TIMM10B: variants seen among roughly 807,000 people sequenced by gnomAD.
TIMM10B encodes the protein mitochondrial import inner membrane translocase subunit Tim10 B.
A neutral mutation model predicts 12.6 loss-of-function variants in TIMM10B; 17 were observed. The observed-to-expected ratio is 1.35, with a 90% CI of 0.92 to 2.03. The LOEUF is 2.03. Among genes scored for constraint, TIMM10B ranks in the 30% most tolerant of loss-of-function variants. The pLI, the probability that TIMM10B is intolerant of heterozygous loss-of-function variation, is 0.00. For synonymous variants in TIMM10B, 63 were observed against 51.3 expected (o/e 1.23, Z -0.97); for missense variants, 165 against 133.3 (o/e 1.24, Z -1.17).
rs1215024853 is a variant in TIMM10B at position 6,482,168 on chromosome 11, G to C, written c.259G>C (p.Ala87Pro). The C allele has an allele frequency of 6.2e-7, 1 of 1,611,268 alleles. No homozygotes were observed. Among genetic ancestry groups the C allele is most frequent in the South Asian group, 1.1e-5 (1 of 91,080 alleles). Residue 87 changes from alanine (A) to proline (P), a missense_variant, in exon 3 of 3, where the codon GCT becomes CCT. Coordinates refer to ENST00000254616, the MANE Select transcript of TIMM10B (RefSeq NM_012192.4). The part of the protein sequence containing the change: ...RRIADYEAAS[A>P]VPGVAAEQPG... Reference sequence around the variant, plus strand: ...CATCGCAGACTACGAGGCTGCCTCGGCTGTGCCAGGCGTTGCTGCTGAACA... The same window carrying C: ...CATCGCAGACTACGAGGCTGCCTCGCCTGTGCCAGGCGTTGCTGCTGAACA...
chr11:6,481,904 T>G (rs1460861763), intron 2 of TIMM10B, 52 bp downstream of exon 2: 3 of 1,608,122 alleles, frequency 1.9e-6, no homozygotes, highest in Non-Finnish European at 2.5e-6. Context: ...AGCGGTAGAC[T>G]GCTTCCCTCC....
At position 6,481,544 on chromosome 11, in the gene TIMM10B, C is replaced by A. The variant is rs1392141559; in HGVS notation, c.28C>A (p.Gln10Lys). The A allele has an allele frequency of 6.2e-7, 1 of 1,610,948 alleles. No homozygotes were observed. Among genetic ancestry groups the A allele is most frequent in the African/African-American group, 1.3e-5 (1 of 74,894 alleles). Residue 10 changes from glutamine to lysine, a missense_variant, in exon 1 of 3, where the codon CAA becomes AAA. Physicochemically the swap from Gln to Lys is moderately conservative, Grantham distance 53. Transcript: ENST00000254616. ...GGAGCGGCAGCAGCAGCAGCAACAGCAACTGCGAAACGTAAGTGAGAACTA... is the reference window on the plus strand; with the variant it reads ...GGAGCGGCAGCAGCAGCAGCAACAGAAACTGCGAAACGTAAGTGAGAACTA... Reference protein sequence around the residue: MERQQQQQQQLRNLRDFLLV... With the variant: MERQQQQQQKLRNLRDFLLV...
Position 6,482,161 on chromosome 11 carries a change from T to G in TIMM10B, c.252T>G (p.Ala84=), listed in dbSNP as rs1851818945. The G allele has an allele frequency of 1.2e-6, 2 of 1,611,812 alleles. No homozygotes were observed. The highest frequency in any genetic ancestry group is 1.7e-6 in the Non-Finnish European group (2 of 1,179,982). ...AGCGCCGCATCGCAGACTACGAGGC[T>G]GCCTCGGCTGTGCCAGGCGTTGCTG... ...LVQRRIADYE[A]ASAVPGVAAE... is the part of the protein sequence containing the mutation. The change falls in exon 3 of 3, where the codon GCT becomes GCG. Residue 84 remains alanine, a synonymous_variant. Coordinates refer to ENST00000254616, the MANE Select transcript of TIMM10B (RefSeq NM_012192.4).
chr11:6,482,124 C>G lies in TIMM10B; in HGVS notation c.215C>G (p.Pro72Arg). The change falls in exon 3 of 3, where the codon CCT becomes CGT. Residue 72 changes from proline (P) to arginine (R), a missense_variant. Transcript: ENST00000254616. ...ATGGCCGCTTACGTGCAGCTCATGC[C>G]TGCCCTGGTACAGCGCCGCATCGCA... ...RLMAAYVQLMPALVQRRIADY... is the reference protein window; with the variant it reads ...RLMAAYVQLMRALVQRRIADY... The G allele has an allele frequency of 7.4e-6, 12 of 1,613,700 alleles. No individual in the cohort carries two copies. Among genetic ancestry groups the G allele is most frequent in the Non-Finnish European group, 9.3e-6 (11 of 1,180,048 alleles).
intron 2 of TIMM10B, 51 bp downstream of exon 2, chr11:6,481,903 C>T (rs1851799120): frequency 6.2e-6 from 10 of 1,608,102 alleles, no homozygotes; most frequent in Non-Finnish European, 7.6e-6. Context: ...TAGCGGTAGA[C>T]TGCTTCCCTC....
Position 6,482,277 on chromosome 11 carries a change from G to GGT in TIMM10B, c.*58_*59dup. ...GATGGACCCTCAGATTGAAGGACCC[G>GGT]GTGGACCTTGGGGTTGGTGAATCCT... On this transcript the variant is annotated 3_prime_UTR_variant, in exon 3 of 3. Coordinates refer to ENST00000254616, the MANE Select transcript of TIMM10B (RefSeq NM_012192.4). 6.7e-7 allele frequency: 1 copy of GGT among 1,498,744 alleles called. No homozygotes were observed. Among genetic ancestry groups the GGT allele is most frequent in the Non-Finnish European group, 9.0e-7 (1 of 1,105,014 alleles). 92.8% of individuals were successfully genotyped at this position (1,498,744 alleles called of 1,614,324 possible).
chr11:6,481,545 A>G lies in TIMM10B; in HGVS notation c.29A>G (p.Gln10Arg), dbSNP rs760941149. 3 of 1,610,568 alleles carry G rather than the reference A, an allele frequency of 1.9e-6. No homozygotes were observed. ...GAGCGGCAGCAGCAGCAGCAACAGC[A>G]ACTGCGAAACGTAAGTGAGAACTAA... MERQQQQQQQLRNLRDFLLV... is the reference protein window; with the variant it reads MERQQQQQQRLRNLRDFLLV... The change falls in exon 1 of 3, where the codon CAA (glutamine) becomes CGA (arginine). Residue 10 changes from glutamine (Q) to arginine (R), a missense_variant. Transcript: ENST00000254616.
In TIMM10B at chr11:6,481,530, A is replaced by T. The variant is rs755909375; in HGVS notation, c.14A>T (p.Gln5Leu). ...GCCGGTGGCGTGATGGAGCGGCAGC[A>T]GCAGCAGCAACAGCAACTGCGAAAC... MERQ[Q>L]QQQQQLRNLR... The change falls in exon 1 of 3, where the codon CAG becomes CTG. Residue 5 changes from glutamine (Q) to leucine (L), a missense_variant. Coordinates refer to ENST00000254616, the MANE Select transcript of TIMM10B (RefSeq NM_012192.4). 1.9e-6 allele frequency: 3 copies of T among 1,612,020 alleles called. No homozygotes were observed. In the African/African-American group the frequency reaches 4.0e-5, roughly 22 times the overall value.
chr11:6,481,717 G>C, intron 1 of TIMM10B, 40 bp from the exon 2 acceptor site: 1 of 1,613,584 alleles, frequency 6.2e-7, no homozygotes, highest in Non-Finnish European at 8.5e-7. Flanking sequence ...AGAAGTGTGG[G>C]GCCCTTATCG....
In TIMM10B at chr11:6,482,448, G is replaced by A. The variant is rs73400857; in HGVS notation, c.*227G>A. 7.2e-3 allele frequency: 3,833 copies of A among 533,112 alleles called. 82 individuals are homozygous for A. Among genetic ancestry groups the A allele is most frequent in the African/African-American group, 0.055 (2,943 of 53,202 alleles). The allele number at this position is 533,112 out of a possible 1,614,324, so 33.0% of individuals were successfully genotyped here. ...TATTGGCACAATCCGTTGTTCTGTC[G>A]TTTAGTGCATATCTGCTGGCTTCAG... On this transcript the variant is annotated 3_prime_UTR_variant, in exon 3 of 3. Transcript: ENST00000254616.
chr11:6,481,775 G>T lies in TIMM10B; in HGVS notation c.58G>T (p.Val20Phe). The T allele has an allele frequency of 6.2e-7, 1 of 1,614,114 alleles. No homozygotes were observed. Among genetic ancestry groups the T allele is most frequent in the Non-Finnish European group, 8.5e-7 (1 of 1,180,032 alleles). ...CTCTCAGCTGCGTGACTTCCTGTTG[G>T]TCTACAATCGGATGACAGAACTCTG... ...QLRNLRDFLLVYNRMTELCFQ... is the reference protein window; with the variant it reads ...QLRNLRDFLLFYNRMTELCFQ... Residue 20 changes from valine to phenylalanine, a missense_variant, in exon 2 of 3, where the codon GTC becomes TTC. By Grantham distance (50) the Val-to-Phe change is conservative (BLOSUM62 -1). Coordinates refer to ENST00000254616, the MANE Select transcript of TIMM10B (RefSeq NM_012192.4).
Position 6,482,324 on chromosome 11 carries a change from G to T in TIMM10B, c.*103G>T. 1 of 1,163,170 alleles carries T rather than the reference G, an allele frequency of 8.6e-7. No individual in the cohort carries two copies. The highest frequency in any genetic ancestry group is 1.2e-6 in the Non-Finnish European group (1 of 844,646). 72.1% of individuals were successfully genotyped at this position (1,163,170 alleles called of 1,614,324 possible). On this transcript the variant is annotated 3_prime_UTR_variant, in exon 3 of 3. Transcript: ENST00000254616. ...TCCTAAACAGAGAGAATTCGAGGTTGCCTGAAAGCTGGGTGTCCTTGCTCC... is the reference window on the plus strand; with the variant it reads ...TCCTAAACAGAGAGAATTCGAGGTTTCCTGAAAGCTGGGTGTCCTTGCTCC...
chr11:6,482,317 C>T lies in TIMM10B; in HGVS notation c.*96C>T. On this transcript the variant is annotated 3_prime_UTR_variant, in exon 3 of 3. Transcript: ENST00000254616. ...TGGTGAATCCTAAACAGAGAGAATT[C>T]GAGGTTGCCTGAAAGCTGGGTGTCC... is the stretch of plus-strand genomic sequence containing the variant. 1 of 1,231,812 alleles carries T rather than the reference C, an allele frequency of 8.1e-7. No homozygotes were observed. The highest frequency in any genetic ancestry group is 1.1e-6 in the Non-Finnish European group (1 of 904,712). 76.3% of individuals were successfully genotyped at this position (1,231,812 alleles called of 1,614,324 possible).
rs1851842709 is a variant in TIMM10B at position 6,482,651 on chromosome 11, A to G, written c.*430A>G. ...TATTAGCCTCACTTAACAGATGAGGAAGCAAGATTCCAGAAAGTACCAGAA... is the reference window on the plus strand; with the variant it reads ...TATTAGCCTCACTTAACAGATGAGGGAGCAAGATTCCAGAAAGTACCAGAA... On this transcript the variant is annotated 3_prime_UTR_variant, in exon 3 of 3. Transcript: ENST00000254616. 1 of 159,030 alleles carries G rather than the reference A, an allele frequency of 6.3e-6. No individual in the cohort carries two copies. The highest frequency in any genetic ancestry group is 2.4e-5 in the African/African-American group (1 of 41,620). The allele number at this position is 159,030 out of a possible 1,614,324, so 9.9% of individuals were successfully genotyped here. A position where few individuals can be genotyped will look rare whatever the true frequency, so the allele number is the denominator to read the frequency against.
intron 2 of TIMM10B, 83 bp downstream of exon 2, chr11:6,481,935 C>T: frequency 2.5e-6 from 4 of 1,601,038 alleles, no homozygotes; most frequent in Non-Finnish European, 3.4e-6. Context: ...TCCCGTACCT[C>T]TGGCCCTGGC....
At chr11:6,481,697 G>T in intron 1 of TIMM10B, 60 bp from the exon 2 acceptor site, 1 of 1,608,490 alleles carries the variant, frequency 6.2e-7, no homozygotes, top group South Asian at 1.1e-5. Context: ...TGGGCGGCGC[G>T]ACCTTGACTA....
At position 6,482,038 on chromosome 11, in the gene TIMM10B, C is replaced by T. The variant is rs568016290; in HGVS notation, c.136-7C>T. ...TATCCTCCACTTAAACCCTATCTTC[C>T]TTCTAGGAGGCCTGTCTGCACAGCT... On this transcript the variant is annotated splice_region_variant and splice_polypyrimidine_tract_variant and intron_variant, in intron 2 of 2. Transcript: ENST00000254616. 10 of 1,609,968 alleles carry T rather than the reference C, an allele frequency of 6.2e-6. No homozygotes were observed. In the East Asian group the frequency reaches 6.7e-5, roughly 11 times the overall value.
chr11:6,481,530 A>C lies in TIMM10B; in HGVS notation c.14A>C (p.Gln5Pro). The change falls in exon 1 of 3, where the codon CAG becomes CCG. Residue 5 changes from glutamine to proline, a missense_variant. Gln to Pro is a moderately conservative substitution (Grantham distance 76). Transcript: ENST00000254616. ...GCCGGTGGCGTGATGGAGCGGCAGC[A>C]GCAGCAGCAACAGCAACTGCGAAAC... Reference protein sequence around the residue: MERQQQQQQQLRNLR... With the variant: MERQPQQQQQLRNLR... 7 of 1,612,138 alleles carry C rather than the reference A, an allele frequency of 4.3e-6. No homozygotes were observed. Among genetic ancestry groups the C allele is most frequent in the Non-Finnish European group, 5.9e-6 (7 of 1,179,450 alleles).
In TIMM10B at chr11:6,483,872, C is replaced by T. The variant is rs1006851045; in HGVS notation, c.*1651C>T. 5 of 151,680 alleles carry T rather than the reference C, an allele frequency of 3.3e-5. No homozygotes were observed. Among genetic ancestry groups the T allele is most frequent in the Admixed American group, 6.6e-5 (1 of 15,218 alleles). The allele number at this position is 151,680 out of a possible 1,614,324, so 9.4% of individuals were successfully genotyped here. A position where few individuals can be genotyped will look rare whatever the true frequency, so the allele number is the denominator to read the frequency against. On this transcript the variant is annotated 3_prime_UTR_variant, in exon 3 of 3. Coordinates refer to ENST00000254616, the MANE Select transcript of TIMM10B (RefSeq NM_012192.4). ...TAAAGTGCAGATCTGACTTTAAAGT[C>T]CATGTTCATTTTACACAGCAGGCTG...
Sources: gnomAD v4.1 joint callset for allele counts on GRCh38, gnomAD v4.1.1 for gene constraint, MANE v1.5 for transcripts, NCBI Gene and HGNC (gene_info 2026-07-23, HGNC 2026-07-21) for gene names.